TRIM24: variants seen among roughly 807,000 people sequenced by gnomAD.
TRIM24 encodes tripartite motif containing 24.
Under a neutral mutation model 123.9 loss-of-function variants are expected in TRIM24, and 29 were observed. That is an observed-to-expected ratio of 0.23 (90% CI 0.17 to 0.32). The LOEUF (loss-of-function observed/expected upper bound fraction) is 0.32. TRIM24 is among the 10% of genes least tolerant of loss of function. TRIM24 has a pLI of 1.00. For synonymous variants in TRIM24, 456 were observed against 461.1 expected (o/e 0.99, Z 0.14); for missense variants, 932 against 1,295.3 (o/e 0.72, Z 4.31).
At chr7:138,582,970 T>C (rs1395910849) in intron 17 of TRIM24, among the ~76,000 whole-genome samples, 1 of 152,236 alleles carries the variant, frequency 6.6e-6, no homozygotes, top group Non-Finnish European at 1.5e-5. Flanking sequence ...TACTTTTTAT[T>C]ATCCTGGCTT....
intron 1 of TRIM24, among the ~76,000 whole-genome samples, chr7:138,484,400 C>T (rs561064404): frequency 1.0e-3 from 148 of 148,222 alleles, no homozygotes; most frequent in African/African-American, 3.4e-3. Flanking sequence ...TGAGCCACCA[C>T]GCCTGGCCTT....
chr7:138,523,262 A>T (rs1584717300), intron 4 of TRIM24, among the ~76,000 whole-genome samples: 1 of 152,256 alleles, frequency 6.6e-6, no homozygotes, highest in East Asian at 1.9e-4. Context: ...AAAGATAAAA[A>T]GGATATCTGT....
chr7:138,581,100 A>G (rs1797886099), intron 16 of TRIM24, among the ~76,000 whole-genome samples: 1 of 152,212 alleles, frequency 6.6e-6, no homozygotes, highest in Non-Finnish European at 1.5e-5. Context: ...TTATGCATCA[A>G]AGCCAACTGA....
intron 6 of TRIM24, 75 bp downstream of exon 6, chr7:138,529,305 G>A: frequency 1.3e-6 from 1 of 761,214 alleles, no homozygotes; most frequent in Non-Finnish European, 2.0e-6. Context: ...AGAAATCATA[G>A]TGCTTTTTAT....
chr7:138,503,703 G>T (rs562578904), intron 1 of TRIM24, among the ~76,000 whole-genome samples: 1 of 151,522 alleles, frequency 6.6e-6, no homozygotes, highest in East Asian at 1.9e-4. Context: ...GTATACATGT[G>T]CCATGTTGGT....
intron 2 of TRIM24, among the ~76,000 whole-genome samples, chr7:138,508,694 C>CGCGT (rs1554436630): frequency 6.5e-5 from 2 of 30,632 alleles, no homozygotes; most frequent in African/African-American, 1.7e-4. Flanking sequence ...TGTGTGTGTG[C>CGCGT]GCGCGCGTGT....
At chr7:138,509,298 A>G (rs1796234001) in intron 2 of TRIM24, among the ~76,000 whole-genome samples, 1 of 149,556 alleles carries the variant, frequency 6.7e-6, no homozygotes, top group Admixed American at 6.7e-5. Context: ...CTCTAGGAAA[A>G]AAAAGTTTAT....
chr7:138,545,165 T>TGC (rs1797076956), intron 7 of TRIM24, among the ~76,000 whole-genome samples: 1 of 138,054 alleles, frequency 7.2e-6, no homozygotes. Flanking sequence ...AAAATCTGCG[T>TGC]GTGTGTGTGT....
chr7:138,522,984 A>C (rs1047903688), intron 4 of TRIM24, among the ~76,000 whole-genome samples: 2 of 152,198 alleles, frequency 1.3e-5, no homozygotes, highest in Non-Finnish European at 2.9e-5. Flanking sequence ...TATATTATTA[A>C]ATGCATATGT....
intron 1 of TRIM24, among the ~76,000 whole-genome samples, chr7:138,482,850 A>G (rs1461308189): frequency 6.6e-6 from 1 of 151,872 alleles, no homozygotes; most frequent in Non-Finnish European, 1.5e-5. Context: ...TGATCCTCTC[A>G]CTTTGGCCTC....
At chr7:138,582,702 A>G (rs1797927940) in intron 17 of TRIM24, among the ~76,000 whole-genome samples, 1 of 152,104 alleles carries the variant, frequency 6.6e-6, no homozygotes, top group South Asian at 2.1e-4. Flanking sequence ...CTGGGCAACA[A>G]GAGCAAAACT....
chr7:138,532,754 T>A (rs926292376), intron 6 of TRIM24, among the ~76,000 whole-genome samples: 9 of 152,202 alleles, frequency 5.9e-5, no homozygotes, highest in African/African-American at 2.2e-4. Flanking sequence ...GTGAAGAAAG[T>A]CATTGGTAGC....
chr7:138,535,374 T>C (rs539945303), intron 6 of TRIM24, among the ~76,000 whole-genome samples: 3 of 152,362 alleles, frequency 2.0e-5, no homozygotes, highest in South Asian at 4.1e-4. Flanking sequence ...TTTCCATGTT[T>C]AGTGCTTCCT....
intron 7 of TRIM24, among the ~76,000 whole-genome samples, chr7:138,549,361 TCAC>T (rs1310986872): frequency 2.0e-5 from 3 of 151,892 alleles, no homozygotes; most frequent in South Asian, 2.1e-4. Flanking sequence ...AGAGAGGAAA[TCAC>T]CAACAATGGA....
chr7:138,460,513 C>T lies in TRIM24; in HGVS notation c.-36C>T. ...CGTCGGGGGCGGCGGGCGGAGACCG[C>T]GCTCTCGCTTCCCCGGCGGCGGCAA... On this transcript the variant is annotated 5_prime_UTR_variant, in exon 1 of 19. Transcript: ENST00000343526. 7.9e-7 allele frequency: 1 copy of T among 1,261,182 alleles called. No homozygotes were observed. The highest frequency in any genetic ancestry group is 9.9e-7 in the Non-Finnish European group (1 of 1,007,958). The allele number at this position is 1,261,182 out of a possible 1,614,324, so 78.1% of individuals were successfully genotyped here.
intron 1 of TRIM24, among the ~76,000 whole-genome samples, chr7:138,485,118 A>G (rs1795615825): frequency 6.6e-6 from 1 of 151,992 alleles, no homozygotes; most frequent in Admixed American, 6.5e-5. Flanking sequence ...GGTTTCTTTG[A>G]AAAAATACAT....
chr7:138,576,926 AT>A (rs1465237761), intron 13 of TRIM24, among the ~76,000 whole-genome samples: 5 of 152,198 alleles, frequency 3.3e-5, no homozygotes, highest in African/African-American at 1.2e-4. Context: ...TTACTTTATC[AT>A]ATGGAAGAAT....
rs568562414 is a variant in TRIM24, at chr7:138,463,989, C to CTTTTTTTT, written c.364+3093_364+3100dup. 1.6e-3 allele frequency among the ~76,000 whole-genome samples: 83 copies of CTTTTTTTT among 50,740 alleles called. 24 individuals carry two copies. The highest frequency in any genetic ancestry group is 2.8e-3 in the African/African-American group (34 of 12,202). 33.3% of individuals were successfully genotyped at this position (50,740 alleles called of 152,430 possible). A position where few individuals can be genotyped will look rare whatever the true frequency, so the allele number is the denominator to read the frequency against. On this transcript the variant is annotated intron_variant, in intron 1 of 18. Transcript: ENST00000343526. The stretch of plus-strand genomic sequence containing the variant: ...ATACTAGCTGAAGCAAAAATTTAGA[C>CTTTTTTTT]TTTTTTTTTTTTTTTTTTTTTTTGA...
chr7:138,562,021 C>T (rs1364462504), intron 9 of TRIM24, among the ~76,000 whole-genome samples: 2 of 152,104 alleles, frequency 1.3e-5, no homozygotes, highest in Non-Finnish European at 2.9e-5. Context: ...GCCATTGTTC[C>T]CCTTGACTTA....
Sources: allele counts gnomAD v4.1 joint callset (sites outside exome capture counted in the v4.1 genomes callset), GRCh38; gene constraint gnomAD v4.1.1; transcripts MANE v1.5; gene names NCBI Gene and HGNC (gene_info 2026-07-23, HGNC 2026-07-21).